PPP1R3A: variants seen among roughly 807,000 people sequenced by gnomAD.
PPP1R3A encodes the protein RG1.
In PPP1R3A, 29 loss-of-function variants were observed where a neutral mutation model predicts 41.7. That is an observed-to-expected ratio of 0.70 (90% CI 0.52 to 0.95). The LOEUF is 0.95. Ranked by LOEUF, PPP1R3A falls within the 40% of genes least tolerant of loss-of-function variation. PPP1R3A has a pLI of 0.00. For synonymous variants in PPP1R3A, 485 were observed against 453.4 expected, an observed-to-expected ratio of 1.07 and a Z score of -0.89; for missense variants, 1,352 against 1,292.4, an observed-to-expected ratio of 1.05 and a Z score of -0.71.
intron 1 of PPP1R3A, among the ~76,000 whole-genome samples, chr7:113,906,121 G>T (rs375864918): frequency 2.6e-5 from 4 of 151,704 alleles, no homozygotes; most frequent in Admixed American, 2.0e-4. Flanking sequence ...TTCTCAGTTC[G>T]ATTTTTCATT....
chr7:113,880,188 T>A, intron 3 of PPP1R3A, 63 bp from the exon 4 acceptor site: 2 of 1,389,054 alleles, frequency 1.4e-6, no homozygotes, highest in South Asian at 1.3e-5. Flanking sequence ...TATAGTGAAT[T>A]AGATAGGTTT....
chr7:113,918,522 C>T lies in PPP1R3A; in HGVS notation c.475G>A (p.Val159Ile). 1 of 1,612,816 alleles carries T rather than the reference C, an allele frequency of 6.2e-7. No homozygotes were observed. Among genetic ancestry groups the T allele is most frequent in the South Asian group, 1.1e-5 (1 of 91,058 alleles). Residue 159 changes from valine to isoleucine, a missense_variant, in exon 1 of 4, where the codon GTA becomes ATA. Coordinates refer to ENST00000284601, the MANE Select transcript of PPP1R3A (RefSeq NM_002711.4). ...TGCCAGTCATCTAAAGACATTCTTACATATACTAACTTCTCAAAAGAAACA... is the reference window on the plus strand; with the variant it reads ...TGCCAGTCATCTAAAGACATTCTTATATATACTAACTTCTCAAAAGAAACA... ...LNVSFEKLVY[V>I]RMSLDDWQTH...
At chr7:113,916,405 G>A (rs746336205) in intron 1 of PPP1R3A, among the ~76,000 whole-genome samples, 48 of 152,006 alleles carry the variant, frequency 3.2e-4, no homozygotes, top group Admixed American at 2.6e-3. Context: ...ACTAGGAGAA[G>A]TTCCAAAAAT....
chr7:113,885,703 G>A (rs1342916330), intron 1 of PPP1R3A, among the ~76,000 whole-genome samples: 1 of 151,160 alleles, frequency 6.6e-6, no homozygotes, highest in East Asian at 2.0e-4. Context: ...ATAAATCTTA[G>A]CAATATAATA....
At chr7:113,917,832 G>A (rs1287966105) in intron 1 of PPP1R3A, among the ~76,000 whole-genome samples, 1 of 152,024 alleles carries the variant, frequency 6.6e-6, no homozygotes, top group East Asian at 1.9e-4. Flanking sequence ...AATCAAAACT[G>A]TTTCAAAGGA....
chr7:113,909,591 G>A (rs959370405), intron 1 of PPP1R3A, among the ~76,000 whole-genome samples: 6 of 152,124 alleles, frequency 3.9e-5, no homozygotes, highest in African/African-American at 1.4e-4. Context: ...TGAGAATTCA[G>A]TTGATGATGG....
rs765683138 is a variant in PPP1R3A at position 113,878,174 on chromosome 7, G to A, written c.2918C>T (p.Pro973Leu). The change falls in exon 4 of 4, where the codon CCT becomes CTT. Residue 973 changes from proline to leucine, a missense_variant. Coordinates refer to ENST00000284601, the MANE Select transcript of PPP1R3A (RefSeq NM_002711.4). ...IEKHPYPESK[P>L]EEVSRSSGIV... ...TCCTGAACTTCTGGAAACTTCTTCA[G>A]GTTTAGACTCAGGATAAGGGTGCTT... 12 of 1,613,138 alleles carry A rather than the reference G, an allele frequency of 7.4e-6. No homozygotes were observed. Among genetic ancestry groups the A allele is most frequent in the Middle Eastern group, 1.7e-4 (1 of 6,060 alleles).
Position 113,918,940 on chromosome 7 carries a change from A to C in PPP1R3A, c.57T>G (p.Pro19=). ...CTTCACAAAGAGAGTCAGATAAATT[A>C]GGAACTTCTAAAAAATTATCTTTGC... ...QISKDNFLEV[P]NLSDSLCEDE... Residue 19 remains proline, a synonymous_variant, in exon 1 of 4, where the codon CCT becomes CCG. Transcript: ENST00000284601. The C allele has an allele frequency of 6.2e-7, 1 of 1,612,868 alleles. No individual in the cohort carries two copies. The highest frequency in any genetic ancestry group is 8.5e-7 in the Non-Finnish European group (1 of 1,179,258).
chr7:113,890,431 A>C (rs1054376823), intron 1 of PPP1R3A, among the ~76,000 whole-genome samples: 2 of 152,164 alleles, frequency 1.3e-5, no homozygotes, highest in African/African-American at 4.8e-5. Flanking sequence ...TGCATTTTTA[A>C]CTGGAACCTC....
At chr7:113,901,646 T>C (rs749128464) in intron 1 of PPP1R3A, among the ~76,000 whole-genome samples, 8 of 151,838 alleles carry the variant, frequency 5.3e-5, no homozygotes, top group Non-Finnish European at 1.0e-4. Flanking sequence ...ACGATCTTCA[T>C]GACAGAACTC....
intron 1 of PPP1R3A, among the ~76,000 whole-genome samples, chr7:113,896,829 CA>C (rs771745259): frequency 8.0e-5 from 12 of 150,218 alleles, no homozygotes; most frequent in South Asian, 6.3e-4. Context: ...TGCATTTATG[CA>C]AAAAAAATGA....
At chr7:113,888,152 G>T (rs1796818250) in intron 1 of PPP1R3A, among the ~76,000 whole-genome samples, 1 of 152,156 alleles carries the variant, frequency 6.6e-6, no homozygotes, top group Non-Finnish European at 1.5e-5. Flanking sequence ...AAGCCAGATT[G>T]TAAAGGGCTT....
chr7:113,918,324 T>G lies in PPP1R3A; in HGVS notation c.673A>C (p.Thr225Pro). 6.2e-7 allele frequency: 1 copy of G among 1,613,182 alleles called. No homozygotes were observed. Among genetic ancestry groups the G allele is most frequent in the Non-Finnish European group, 8.5e-7 (1 of 1,179,424 alleles). The change falls in exon 1 of 4, where the codon ACA becomes CCA. Residue 225 changes from threonine (T) to proline (P), a missense_variant. Physicochemically the swap from Thr to Pro is conservative, Grantham distance 38. Coordinates refer to ENST00000284601, the MANE Select transcript of PPP1R3A (RefSeq NM_002711.4). ...VGTFWSNNNG[T>P]NYTFICQKKE... ...TTTTGACAAATGAATGTATAATTTG[T>G]GCCATTATTATTTGACCAAAATGTA...
At chr7:113,882,855 A>G (rs1439484100) in intron 1 of PPP1R3A, among the ~76,000 whole-genome samples, 1 of 152,044 alleles carries the variant, frequency 6.6e-6, no homozygotes, top group Non-Finnish European at 1.5e-5. Context: ...AAAAGTAAGA[A>G]AGAAACAAGC....
intron 1 of PPP1R3A, among the ~76,000 whole-genome samples, chr7:113,894,147 T>C (rs1796939973): frequency 6.6e-6 from 1 of 151,948 alleles, no homozygotes; most frequent in African/African-American, 2.4e-5. Flanking sequence ...ATTGTCAGGA[T>C]CTAATGCATA....
chr7:113,886,735 C>T (rs1037815131), intron 1 of PPP1R3A, among the ~76,000 whole-genome samples: 3 of 151,928 alleles, frequency 2.0e-5, no homozygotes, highest in Non-Finnish European at 4.4e-5. Context: ...CATTAGAGGC[C>T]ACTCTGAAAT....
intron 1 of PPP1R3A, among the ~76,000 whole-genome samples, chr7:113,911,109 A>G (rs1797236872): frequency 6.6e-6 from 1 of 152,072 alleles, no homozygotes; most frequent in African/African-American, 2.4e-5. Flanking sequence ...AGAATTTCCT[A>G]CGACAGGTTT....
chr7:113,900,843 C>T (rs921397963), intron 1 of PPP1R3A, among the ~76,000 whole-genome samples: 2 of 150,008 alleles, frequency 1.3e-5, no homozygotes, highest in Non-Finnish European at 3.0e-5. Flanking sequence ...CTTATAAGTA[C>T]TAATTTACAT....
At chr7:113,900,665 T>A (rs1293772717) in intron 1 of PPP1R3A, among the ~76,000 whole-genome samples, 1 of 148,676 alleles carries the variant, frequency 6.7e-6, no homozygotes, top group African/African-American at 2.4e-5. Flanking sequence ...TTACATATTA[T>A]ATATAGCACT....
Sources: allele counts gnomAD v4.1 joint callset (sites outside exome capture counted in the v4.1 genomes callset), GRCh38; gene constraint gnomAD v4.1.1; transcripts MANE v1.5; gene names NCBI Gene and HGNC (gene_info 2026-07-23, HGNC 2026-07-21).